The following ZYX variants were observed in gnomAD, a reference collection of about 807,000 sequenced individuals.
The protein encoded by ZYX is zyxin-2.
In ZYX, 37 loss-of-function variants were observed where a neutral mutation model predicts 58.1. That is an observed-to-expected ratio of 0.64 (90% CI 0.49 to 0.84). The LOEUF is 0.84. Ranked by LOEUF, ZYX falls within the 40% of genes least tolerant of loss-of-function variation. The probability of loss-of-function intolerance (pLI) is 0.00; values close to 1 mark genes in which losing one functional copy is unlikely to be tolerated. For missense variants in ZYX, 762 were observed against 761.6 expected, an observed-to-expected ratio of 1.00 and a Z score of -0.01; for synonymous variants, 324 against 321.1, an observed-to-expected ratio of 1.01 and a Z score of -0.10.
chr7:143,381,761 C>T lies in ZYX; in HGVS notation c.190C>T (p.Pro64Ser). 6.3e-7 allele frequency: 1 copy of T among 1,576,692 alleles called. No individual in the cohort carries two copies. The highest frequency in any genetic ancestry group is 8.6e-7 in the Non-Finnish European group (1 of 1,161,544). The change falls in exon 2 of 10, where the codon CCC (proline) becomes TCC (serine). Residue 64 changes from proline to serine, a missense_variant. Transcript: ENST00000322764. Reference sequence around the variant, plus strand: ...ACAGATGGGCCGGGTGGGCGAGATTCCCCCGCCGCCCCCGGAAGGTATGCG... The same window carrying T: ...ACAGATGGGCCGGGTGGGCGAGATTTCCCCGCCGCCCCCGGAAGGTATGCG... ...RAQMGRVGEI[P>S]PPPPEDFPLP... is the part of the protein sequence containing the mutation.
At position 143,390,652 on chromosome 7, in the gene ZYX, G is replaced by A; in HGVS notation, c.1689G>A (p.Arg563=). 2 of 1,587,298 alleles carry A rather than the reference G, an allele frequency of 1.3e-6. No homozygotes were observed. The highest frequency in any genetic ancestry group is 2.3e-5 in the South Asian group (2 of 86,662). The change falls in exon 10 of 10, where the codon CGG becomes CGA. Residue 563 remains arginine (R), a synonymous_variant. Transcript: ENST00000322764. This position sits in a 1 kb window ranked among gnomAD's most constrained non-coding sequence, Gnocchi z 4.3. ...CFPLDGHVLC[R]KCHTARAQT ...CCCTGGACGGTCACGTGCTCTGTCG[G>A]AAGTGCCACACTGCTAGAGCCCAGA...
At position 143,381,541 on chromosome 7, in the gene ZYX, C is replaced by T. The variant is rs1284909855; in HGVS notation, c.-15-16C>T. The T allele has an allele frequency of 3.8e-6, 6 of 1,597,824 alleles. No individual in the cohort carries two copies. The East Asian group carries it at 9.1e-5, about 24-fold the overall frequency. Reference sequence around the variant, plus strand: ...GAGCCCGGCTCCGCGCTGCGTAACCCGGCGACCCACCCCAGCAGCCCGGCC... The same window carrying T: ...GAGCCCGGCTCCGCGCTGCGTAACCTGGCGACCCACCCCAGCAGCCCGGCC... On this transcript the variant is annotated splice_polypyrimidine_tract_variant and intron_variant, in intron 1 of 9. Transcript: ENST00000322764.
At chr7:143,385,996 A>ATGTGTG (rs1333920544) in intron 5 of ZYX, among the ~76,000 whole-genome samples, 4 of 150,128 alleles carry the variant, frequency 2.7e-5, no homozygotes. Flanking sequence ...GGTATGGTAT[A>ATGTGTG]TGTGTGAGTG....
chr7:143,382,545 TG>T (rs1390889156), intron 3 of ZYX, 47 bp from the exon 4 acceptor site: 2 of 1,604,054 alleles, frequency 1.2e-6, no homozygotes, highest in Non-Finnish European at 1.7e-6. Context: ...GCCTTGGGGG[TG>T]GGGGGATAGA....
chr7:143,381,758 A>T lies in ZYX; in HGVS notation c.187A>T (p.Ile63Phe). The change falls in exon 2 of 10, where the codon ATT becomes TTT. Residue 63 changes from isoleucine (I) to phenylalanine (F), a missense_variant. Coordinates refer to ENST00000322764, the MANE Select transcript of ZYX (RefSeq NM_003461.5). ...CGCACAGATGGGCCGGGTGGGCGAGATTCCCCCGCCGCCCCCGGAAGGTAT... is the reference window on the plus strand; with the variant it reads ...CGCACAGATGGGCCGGGTGGGCGAGTTTCCCCCGCCGCCCCCGGAAGGTAT... ...QRAQMGRVGE[I>F]PPPPPEDFPL... 6.3e-7 allele frequency: 1 copy of T among 1,582,272 alleles called. No individual in the cohort carries two copies. Among genetic ancestry groups the T allele is most frequent in the Non-Finnish European group, 8.6e-7 (1 of 1,164,466 alleles).
chr7:143,390,319 A>G lies in ZYX; in HGVS notation c.1615-259A>G, dbSNP rs1805025616. The stretch of plus-strand genomic sequence containing the variant: ...ATGGAGGTGAGCCAACCTCTATTTT[A>G]TTAGGGTGGTGGTGGGCAGGGGAGC... On this transcript the variant is annotated intron_variant, in intron 9 of 9. Coordinates refer to ENST00000322764, the MANE Select transcript of ZYX (RefSeq NM_003461.5). This position sits in a 1 kb window ranked among gnomAD's most constrained non-coding sequence, Gnocchi z 4.3. The G allele has an allele frequency of 5.4e-6, 3 of 560,156 alleles. No homozygotes were observed. Among genetic ancestry groups the G allele is most frequent in the Non-Finnish European group, 9.6e-6 (3 of 312,176 alleles). The allele number at this position is 560,156 out of a possible 1,614,324, so 34.7% of individuals were successfully genotyped here. A position where few individuals can be genotyped will look rare whatever the true frequency, so the allele number is the denominator to read the frequency against.
rs749965281 is a variant in ZYX, at chr7:143,382,922, C to T, written c.623C>T (p.Pro208Leu). The change falls in exon 5 of 10, where the codon CCT becomes CTT. Residue 208 changes from proline (P) to leucine (L), a missense_variant. Transcript: ENST00000322764. The stretch of plus-strand genomic sequence containing the variant: ...TGGAAGTCCCCTTCCAGCTCCCAGC[C>T]TCTGCCCCAGGTTCCGGCTCCGGCT... ...PPWKSPSSSQ[P>L]LPQVPAPAQS... The T allele has an allele frequency of 5.0e-6, 8 of 1,614,114 alleles. No individual in the cohort carries two copies. In the Admixed American group the frequency reaches 5.0e-5, roughly 10 times the overall value.
chr7:143,390,115 C>G lies in ZYX; in HGVS notation c.1614+138C>G. 7.8e-7 allele frequency: 1 copy of G among 1,281,614 alleles called. No individual in the cohort carries two copies. Among genetic ancestry groups the G allele is most frequent in the Non-Finnish European group, 1.1e-6 (1 of 921,576 alleles). The allele number at this position is 1,281,614 out of a possible 1,614,324, so 79.4% of individuals were successfully genotyped here. ...TTTGAGGGTGGCTCATGGTGGCACC[C>G]CATCTGTCCTGCCAGAATGCTTCCT... On this transcript the variant is annotated intron_variant, in intron 9 of 9. Transcript: ENST00000322764. This position sits in a 1 kb window ranked among gnomAD's most constrained non-coding sequence, Gnocchi z 4.3.
At chr7:143,385,123 G>T (rs1387777719) in intron 5 of ZYX, among the ~76,000 whole-genome samples, 1 of 152,158 alleles carries the variant, frequency 6.6e-6, no homozygotes, top group Non-Finnish European at 1.5e-5. Context: ...GCTCCTCAGT[G>T]GGGTATTTGA....
chr7:143,383,541 G>A (rs1804744883), intron 5 of ZYX, among the ~76,000 whole-genome samples: 1 of 152,206 alleles, frequency 6.6e-6, no homozygotes, highest in South Asian at 2.1e-4. Flanking sequence ...GGGGCTGGGT[G>A]GGGCCTGGCT....
At chr7:143,382,751 G>T (rs781704784) in intron 4 of ZYX, 50 bp from the exon 5 acceptor site, 2 of 1,613,480 alleles carry the variant, frequency 1.2e-6, no homozygotes, top group Non-Finnish European at 1.7e-6. Flanking sequence ...GAACTAAGGA[G>T]GATGGTGTCC....
intron 2 of ZYX, 45 bp from the exon 3 acceptor site, chr7:143,382,203 G>T: frequency 6.5e-7 from 1 of 1,528,842 alleles, no homozygotes. Flanking sequence ...GCTTGGGTGA[G>T]GGGTAGAGGG....
In ZYX at chr7:143,387,993, T is replaced by A. The variant is rs1804927742; in HGVS notation, c.1024-226T>A. ...GGGGTTTGGGCAGAGTGGGTGGAAA[T>A]GTCTTGCTGTACGAGATCCAGGCTT... On this transcript the variant is annotated intron_variant, in intron 5 of 9. Transcript: ENST00000322764. This position sits in a 1 kb window ranked among gnomAD's most constrained non-coding sequence, Gnocchi z 5.8. 1.7e-6 allele frequency: 1 copy of A among 603,054 alleles called. No individual in the cohort carries two copies. 37.4% of individuals were successfully genotyped at this position (603,054 alleles called of 1,614,324 possible). A position where few individuals can be genotyped will look rare whatever the true frequency, so the allele number is the denominator to read the frequency against.
chr7:143,383,440 G>GA (rs1459089205), intron 5 of ZYX, 118 bp downstream of exon 5: 2 of 1,290,342 alleles, frequency 1.5e-6, no homozygotes, highest in Non-Finnish European at 2.1e-6. Flanking sequence ...GGGTTGCGGG[G>GA]TGGCGGGATA....
Position 143,389,801 on chromosome 7 carries a change from G to A in ZYX, c.1494-56G>A, listed in dbSNP as rs939324334. The A allele has an allele frequency of 1.7e-5, 27 of 1,602,770 alleles. No individual in the cohort carries two copies. The East Asian group carries it at 1.8e-4, about 11-fold the overall frequency. Reference sequence around the variant, plus strand: ...GCTGCCCAACCTGGCTTATGCGTGCGCACACCGGGGATGAAAGCCCTGGCT... The same window carrying A: ...GCTGCCCAACCTGGCTTATGCGTGCACACACCGGGGATGAAAGCCCTGGCT... On this transcript the variant is annotated intron_variant, in intron 8 of 9. Transcript: ENST00000322764. The surrounding 1 kb of genome is among the most constrained non-coding windows in gnomAD (Gnocchi z 5.6).
rs141990584 is a variant in ZYX, at chr7:143,389,935, C to A, written c.1572C>A (p.Val524=). Residue 524 remains valine (V), a synonymous_variant, in exon 9 of 10, where the codon GTC becomes GTA. Transcript: ENST00000322764. This position sits in a 1 kb window ranked among gnomAD's most constrained non-coding sequence, Gnocchi z 5.6. ...EPGRDETVRV[V]ALDKNFHMKC... The stretch of plus-strand genomic sequence containing the variant: ...GCCGAGATGAGACTGTGCGAGTGGT[C>A]GCCCTGGACAAGAACTTCCACATGA... 519 of 1,614,060 alleles carry A rather than the reference C, an allele frequency of 3.2e-4. No homozygotes were observed. The highest frequency in any genetic ancestry group is 2.7e-3 in the Admixed American group (164 of 60,022).
chr7:143,383,128 G>A lies in ZYX; in HGVS notation c.829G>A (p.Ala277Thr), dbSNP rs745424630. 1.9e-6 allele frequency: 3 copies of A among 1,614,204 alleles called. No individual in the cohort carries two copies. The highest frequency in any genetic ancestry group is 1.3e-5 in the African/African-American group (1 of 75,040). ...SPVTPKFTPV[A>T]SKFSPGAPGG... ...AGTGACTCCTAAGTTTACTCCTGTG[G>A]CTTCCAAGTTCAGTCCTGGAGCCCC... Residue 277 changes from alanine to threonine, a missense_variant, in exon 5 of 10, where the codon GCT becomes ACT. Physicochemically the swap from Ala to Thr is moderately conservative, Grantham distance 58. Coordinates refer to ENST00000322764, the MANE Select transcript of ZYX (RefSeq NM_003461.5).
chr7:143,385,340 CAT>C (rs1191726062), intron 5 of ZYX, among the ~76,000 whole-genome samples: 5 of 151,138 alleles, frequency 3.3e-5, no homozygotes, highest in South Asian at 2.1e-4. Flanking sequence ...TATATATACA[CAT>C]ATGTGAATAT....
rs1416729140 is a variant in ZYX at position 143,387,395 on chromosome 7, C to T, written c.1024-824C>T. Among the ~76,000 whole-genome samples the T allele has an allele frequency of 6.6e-6, 1 of 152,078 alleles. No homozygotes were observed. The highest frequency in any genetic ancestry group is 1.5e-5 in the Non-Finnish European group (1 of 68,008). On this transcript the variant is annotated intron_variant, in intron 5 of 9. Transcript: ENST00000322764. This position sits in a 1 kb window ranked among gnomAD's most constrained non-coding sequence, Gnocchi z 5.8. ...GGGCCACAGTCCTGGGTAGGCTTTT[C>T]CAGACATAGAAAAGACCCACCCAGT...
Sources: gnomAD v4.1 joint callset for allele counts (sites outside exome capture counted in the v4.1 genomes callset) on GRCh38, gnomAD v4.1.1 for gene constraint, Gnocchi (gnomAD v3.1) non-coding constraint, MANE v1.5 for transcripts, NCBI Gene and HGNC (gene_info 2026-07-23, HGNC 2026-07-21) for gene names.